CAMSAP1: variants seen among roughly 807,000 people sequenced by gnomAD.
CAMSAP1 encodes calmodulin regulated spectrin associated protein 1.
A neutral mutation model predicts 143.5 loss-of-function variants in CAMSAP1; 58 were observed. The ratio of observed to expected loss-of-function variants is 0.40; its 90% CI spans 0.33 to 0.50. CAMSAP1 has a LOEUF of 0.50. CAMSAP1 is among the 20% of genes least tolerant of loss of function. The pLI is 0.45. For missense variants in CAMSAP1, 1,969 were observed against 2,115.7 expected (o/e 0.93, Z 1.36); for synonymous variants, 945 against 859.3 (o/e 1.10, Z -1.74).
intron 14 of CAMSAP1, chr9:135,817,741 G>C: frequency 4.0e-6 from 2 of 495,496 alleles, no homozygotes; most frequent in South Asian, 2.2e-5. Flanking sequence ...GTGCACGTGT[G>C]GGGTGGGGGA....
intron 7 of CAMSAP1, among the ~76,000 whole-genome samples, chr9:135,834,559 A>C (rs966010843): frequency 6.6e-6 from 1 of 152,246 alleles, no homozygotes; most frequent in Non-Finnish European, 1.5e-5. Flanking sequence ...CAGAAAGAAA[A>C]ATACTGCTTG....
intron 7 of CAMSAP1, among the ~76,000 whole-genome samples, chr9:135,845,319 C>A (rs1019800672): frequency 5.9e-5 from 9 of 152,182 alleles, no homozygotes; most frequent in African/African-American, 2.2e-4. Flanking sequence ...ATTCAACACC[C>A]CTTCATACTA....
chr9:135,887,196 A>T (rs753246325), intron 1 of CAMSAP1, among the ~76,000 whole-genome samples: 1 of 152,228 alleles, frequency 6.6e-6, no homozygotes, highest in Non-Finnish European at 1.5e-5. Flanking sequence ...AGATGTCGGG[A>T]GAGAAGCCAA....
At chr9:135,901,129 T>C (rs919166708) in intron 1 of CAMSAP1, among the ~76,000 whole-genome samples, 2 of 152,216 alleles carry the variant, frequency 1.3e-5, no homozygotes. Context: ...TAAATATTCC[T>C]GTCAAGGGCA....
At chr9:135,838,481 T>TCAC (rs200606747) in intron 7 of CAMSAP1, among the ~76,000 whole-genome samples, 2 of 107,406 alleles carry the variant, frequency 1.9e-5, no homozygotes, top group African/African-American at 3.6e-5. Flanking sequence ...ACACACATCA[T>TCAC]GCACTTTCTA....
chr9:135,864,114 GT>G (rs1191604027), intron 4 of CAMSAP1, among the ~76,000 whole-genome samples: 2 of 152,164 alleles, frequency 1.3e-5, no homozygotes, highest in Admixed American at 1.3e-4. Flanking sequence ...GAACACTGGG[GT>G]CGGAAAGTTA....
chr9:135,896,305 A>G (rs1418355385), intron 1 of CAMSAP1, among the ~76,000 whole-genome samples: 1 of 152,228 alleles, frequency 6.6e-6, no homozygotes, highest in Non-Finnish European at 1.5e-5. Context: ...GGGACATTAC[A>G]TAATGATAAA....
chr9:135,865,190 A>T, intron 4 of CAMSAP1: 1 of 767,114 alleles, frequency 1.3e-6, no homozygotes, highest in Non-Finnish European at 2.2e-6. Context: ...CAATTCTTGT[A>T]CTATATAAAT....
rs910336492 is a variant in CAMSAP1 at position 135,823,954 on chromosome 9, T to G, written c.1396A>C (p.Thr466Pro). Residue 466 changes from threonine (T) to proline (P), a missense_variant, in exon 10 of 17, where the codon ACC becomes CCC. Thr to Pro is a conservative substitution (Grantham distance 38). This residue lies in a region of CAMSAP1 where 1,390 missense variants were observed against 1,420.8 expected (regional missense o/e 0.98). Coordinates refer to ENST00000389532, the MANE Select transcript of CAMSAP1 (RefSeq NM_015447.4). ...ACTGCTGAAACACAGACTCACCTGG[T>G]TTTTTTTTCTGGCCAGGCTATTGCT... ...GAAIAWPEKK[T>P]RPASQPTPFA... 1.9e-6 allele frequency: 3 copies of G among 1,569,666 alleles called. No homozygotes were observed. The highest frequency in any genetic ancestry group is 1.8e-5 in the Admixed American group (1 of 54,228).
Position 135,903,061 on chromosome 9 carries a change from A to G in CAMSAP1, c.160+3939T>C, listed in dbSNP as rs577082894. ...GAGATAATAAAAGCTTGCTCTCCAC[A>G]TTGTCCCCTGAAACCAAGGCCTAGA... On this transcript the variant is annotated intron_variant, in intron 1 of 16. Transcript: ENST00000389532. 8.5e-5 allele frequency among the ~76,000 whole-genome samples: 13 copies of G among 152,280 alleles called. No homozygotes were observed. The South Asian group carries it at 2.7e-3, about 32-fold the overall frequency.
At chr9:135,814,424 C>T (rs768631875) in intron 16 of CAMSAP1, among the ~76,000 whole-genome samples, 2 of 152,210 alleles carry the variant, frequency 1.3e-5, no homozygotes, top group Non-Finnish European at 2.9e-5. Flanking sequence ...AGGCCACACA[C>T]CAGCCTCAAT....
chr9:135,881,587 G>C (rs746960673), intron 3 of CAMSAP1, 46 bp downstream of exon 3: 1 of 1,545,638 alleles, frequency 6.5e-7, no homozygotes, highest in Non-Finnish European at 8.8e-7. Flanking sequence ...AAAGGAGACC[G>C]GCCACAGAAG....
At chr9:135,858,141 T>C (rs1588479373) in intron 5 of CAMSAP1, among the ~76,000 whole-genome samples, 3 of 142,034 alleles carry the variant, frequency 2.1e-5, no homozygotes, top group Middle Eastern at 3.6e-3. Context: ...CACCCACCCC[T>C]CCTCCACTTT....
chr9:135,808,615 T>C lies in CAMSAP1; in HGVS notation c.*2694A>G, dbSNP rs776559827. On this transcript the variant is annotated 3_prime_UTR_variant, in exon 17 of 17. Coordinates refer to ENST00000389532, the MANE Select transcript of CAMSAP1 (RefSeq NM_015447.4). ...ATTCCACTTTTCAATTTTGCCTGAG[T>C]GAAGAATACAGTTTGGGCCTGAAGT... The C allele has an allele frequency of 6.6e-6, 1 of 152,192 alleles. No individual in the cohort carries two copies. Among genetic ancestry groups the C allele is most frequent in the Non-Finnish European group, 1.5e-5 (1 of 68,036 alleles). 9.4% of individuals were successfully genotyped at this position (152,192 alleles called of 1,614,324 possible). A position where few individuals can be genotyped will look rare whatever the true frequency, so the allele number is the denominator to read the frequency against.
chr9:135,880,666 T>G (rs943956346), intron 3 of CAMSAP1, among the ~76,000 whole-genome samples: 33 of 152,206 alleles, frequency 2.2e-4, no homozygotes, highest in Admixed American at 2.2e-3. Context: ...TGGCTCTGCA[T>G]GTGCAAGCTA....
chr9:135,890,353 G>C (rs996527795), intron 1 of CAMSAP1, among the ~76,000 whole-genome samples: 1 of 152,108 alleles, frequency 6.6e-6, no homozygotes, highest in Non-Finnish European at 1.5e-5. Context: ...CCGGCCAACT[G>C]GGTGGTGAGG....
At chr9:135,835,051 T>G (rs975560049) in intron 7 of CAMSAP1, among the ~76,000 whole-genome samples, 3 of 152,046 alleles carry the variant, frequency 2.0e-5, no homozygotes, top group African/African-American at 7.2e-5. Context: ...TGTGAAGTGC[T>G]GGACTCTGAG....
chr9:135,852,126 C>T (rs1316217027), intron 5 of CAMSAP1, among the ~76,000 whole-genome samples: 3 of 152,176 alleles, frequency 2.0e-5, no homozygotes. Flanking sequence ...TTCATGGTTA[C>T]TGGTCATGAA....
At chr9:135,877,684 T>C (rs935935389) in intron 3 of CAMSAP1, among the ~76,000 whole-genome samples, 1 of 151,830 alleles carries the variant, frequency 6.6e-6, no homozygotes, top group African/African-American at 2.4e-5. Flanking sequence ...CGGTGGTGCA[T>C]GCCTGTAGTC....
Sources: gnomAD v4.1 joint callset for allele counts (sites outside exome capture counted in the v4.1 genomes callset) on GRCh38, gnomAD v4.1.1 for gene constraint, gnomAD v4.1.1 regional missense constraint, MANE v1.5 for transcripts, NCBI Gene and HGNC (gene_info 2026-07-23, HGNC 2026-07-21) for gene names.